KHDRBS2: variants seen among roughly 807,000 people sequenced by gnomAD.
KHDRBS2 encodes the protein KH domain-containing, RNA-binding, signal transduction-associated protein 2.
Under a neutral mutation model 44.3 loss-of-function variants are expected in KHDRBS2, and 26 were observed. That is an observed-to-expected ratio of 0.59 (90% CI 0.43 to 0.81). The LOEUF (loss-of-function observed/expected upper bound fraction) is 0.81. Ranked by LOEUF, KHDRBS2 falls within the 40% of genes least tolerant of loss-of-function variation. The pLI, the probability that KHDRBS2 is intolerant of heterozygous loss-of-function variation, is 0.00. For missense variants in KHDRBS2, 476 were observed against 433.1 expected, an observed-to-expected ratio of 1.10 and a Z score of -0.88; for synonymous variants, 194 against 151.1, an observed-to-expected ratio of 1.28 and a Z score of -2.08.
chr6:62,218,076 G>A (rs1227458000), intron 1 of KHDRBS2, among the ~76,000 whole-genome samples: 1 of 151,786 alleles, frequency 6.6e-6, no homozygotes, highest in Non-Finnish European at 1.5e-5. Flanking sequence ...GCCAACACGG[G>A]AAGAGACAAC....
intron 4 of KHDRBS2, among the ~76,000 whole-genome samples, chr6:61,955,754 A>T (rs1767068567): frequency 6.6e-6 from 1 of 151,498 alleles, no homozygotes; most frequent in South Asian, 2.1e-4. Context: ...GTAGACAGAC[A>T]GAGAGAGAGA....
intron 4 of KHDRBS2, among the ~76,000 whole-genome samples, chr6:61,930,939 A>G (rs1268261691): frequency 6.6e-6 from 1 of 152,010 alleles, no homozygotes; most frequent in Non-Finnish European, 1.5e-5. Flanking sequence ...AACAACTGCA[A>G]TTTTTCTACT....
At chr6:61,898,224 A>G (rs975445424) in intron 5 of KHDRBS2, among the ~76,000 whole-genome samples, 2 of 152,036 alleles carry the variant, frequency 1.3e-5, no homozygotes, top group African/African-American at 4.8e-5. Flanking sequence ...CATGTTATGC[A>G]AAGTTCTCTT....
rs527393260 is a variant in KHDRBS2, at chr6:61,934,316, C to T, written c.484-32945G>A. 9.9e-4 allele frequency among the ~76,000 whole-genome samples: 150 copies of T among 152,212 alleles called. 1 individual carries two copies. The highest frequency in any genetic ancestry group is 3.3e-3 in the African/African-American group (138 of 41,536). ...CTTTTTGGTTAGATGTAATTCCATTCGTCTGTTTTTGCTTTTATTGCTTGT... is the reference window on the plus strand; with the variant it reads ...CTTTTTGGTTAGATGTAATTCCATTTGTCTGTTTTTGCTTTTATTGCTTGT... On this transcript the variant is annotated intron_variant, in intron 4 of 8. Coordinates refer to ENST00000281156, the MANE Select transcript of KHDRBS2 (RefSeq NM_152688.4).
chr6:61,542,898 A>G, the KHDRBS2 span, among the ~76,000 whole-genome samples: 1 of 152,024 alleles, frequency 6.6e-6, no homozygotes, highest in African/African-American at 2.4e-5. Context: ...TAAAAAGAAG[A>G]TATGATAACT....
At chr6:62,266,137 C>T (rs557464987) in intron 1 of KHDRBS2, among the ~76,000 whole-genome samples, 3 of 152,048 alleles carry the variant, frequency 2.0e-5, no homozygotes, top group African/African-American at 7.2e-5. Context: ...TTTCAACTCA[C>T]GAAGGACTCT....
chr6:62,214,515 T>A (rs932210346), intron 1 of KHDRBS2, among the ~76,000 whole-genome samples: 1 of 147,408 alleles, frequency 6.8e-6, no homozygotes, highest in Admixed American at 6.8e-5. Flanking sequence ...CTCCCACAGA[T>A]AACAAAAGTA....
chr6:62,268,586 A>C (rs1839575777), intron 1 of KHDRBS2, among the ~76,000 whole-genome samples: 1 of 152,054 alleles, frequency 6.6e-6, no homozygotes. Flanking sequence ...GTTTGTATAA[A>C]ATATATTGTT....
At chr6:62,037,332 G>C (rs914665054) in intron 3 of KHDRBS2, among the ~76,000 whole-genome samples, 2 of 151,722 alleles carry the variant, frequency 1.3e-5, no homozygotes, top group African/African-American at 4.8e-5. Context: ...CGATTTGAGT[G>C]AATCTGATAT....
chr6:61,971,989 T>G (rs1771529101), intron 4 of KHDRBS2, among the ~76,000 whole-genome samples: 1 of 152,182 alleles, frequency 6.6e-6, no homozygotes. Context: ...AAATATTTGT[T>G]GTGTTAATTA....
At chr6:61,724,129 C>T (rs189944692) in intron 7 of KHDRBS2, among the ~76,000 whole-genome samples, 153 of 152,072 alleles carry the variant, frequency 1.0e-3, no homozygotes, top group Non-Finnish European at 1.8e-3. Flanking sequence ...CAGTGGAAAC[C>T]CTATAAGCCA....
intron 3 of KHDRBS2, among the ~76,000 whole-genome samples, chr6:61,986,187 C>G (rs1264999202): frequency 6.6e-6 from 1 of 152,020 alleles, no homozygotes; most frequent in South Asian, 2.1e-4. Context: ...AATGAGGTAA[C>G]ATACATAAAT....
chr6:61,689,811 T>C (rs959169968), intron 8 of KHDRBS2, among the ~76,000 whole-genome samples: 2 of 152,108 alleles, frequency 1.3e-5, no homozygotes, highest in African/African-American at 4.8e-5. Context: ...ACCAGTACGG[T>C]TAAGTCATTT....
chr6:61,933,322 C>A (rs1260650354), intron 4 of KHDRBS2, among the ~76,000 whole-genome samples: 15 of 152,018 alleles, frequency 9.9e-5, no homozygotes, highest in African/African-American at 3.4e-4. Context: ...CTGAGGATTA[C>A]AATTTGACAT....
At chr6:61,777,753 A>T (rs1314068112) in intron 6 of KHDRBS2, among the ~76,000 whole-genome samples, 1 of 152,170 alleles carries the variant, frequency 6.6e-6, no homozygotes, top group East Asian at 1.9e-4. Context: ...TCTTTCAAAA[A>T]TTCCAGCACT....
intron 6 of KHDRBS2, among the ~76,000 whole-genome samples, chr6:61,868,428 G>C (rs1019188610): frequency 6.6e-6 from 1 of 152,112 alleles, no homozygotes; most frequent in Non-Finnish European, 1.5e-5. Flanking sequence ...GGGAGATCCC[G>C]GCCAGTGAGG....
intron 2 of KHDRBS2, among the ~76,000 whole-genome samples, chr6:62,061,673 A>T (rs1584438338): frequency 6.6e-6 from 1 of 151,004 alleles, no homozygotes; most frequent in African/African-American, 2.4e-5. Context: ...CTTCTTGAGG[A>T]GTATCTTTGT....
intron 6 of KHDRBS2, among the ~76,000 whole-genome samples, chr6:61,875,084 G>A (rs1799223152): frequency 6.6e-6 from 1 of 151,994 alleles, no homozygotes; most frequent in South Asian, 2.1e-4. Context: ...TAAGGTGTTA[G>A]CTAAGGAATG....
chr6:61,562,336 A>G, the KHDRBS2 span, among the ~76,000 whole-genome samples: 1 of 152,140 alleles, frequency 6.6e-6, no homozygotes, highest in East Asian at 1.9e-4. Context: ...TTCCAAGGGA[A>G]TATCTCTGTT....
Sources: gnomAD v4.1 joint callset for allele counts (sites outside exome capture counted in the v4.1 genomes callset) on GRCh38, gnomAD v4.1.1 for gene constraint, MANE v1.5 for transcripts, NCBI Gene and HGNC (gene_info 2026-07-23, HGNC 2026-07-21) for gene names.